Variants in DRD3 observed in about 807,000 individuals in gnomAD.
DRD3 encodes dopamine receptor D3.
In DRD3, 19 loss-of-function variants were observed where a neutral mutation model predicts 36.3. The observed-to-expected ratio is 0.52, with a 90% confidence interval of 0.36 to 0.77. DRD3 has a LOEUF of 0.77. Among genes scored for constraint, DRD3 ranks in the 30% least tolerant of loss-of-function variants. DRD3 has a pLI of 0.00. For synonymous variants in DRD3, 195 were observed against 203.7 expected, an observed-to-expected ratio of 0.96 and a Z score of 0.36; for missense variants, 465 against 505.3, an observed-to-expected ratio of 0.92 and a Z score of 0.77.
chr3:114,159,711 T>G (rs1019737055), intron 3 of DRD3, 44 bp downstream of exon 3: 2 of 1,560,646 alleles, frequency 1.3e-6, no homozygotes, highest in African/African-American at 2.7e-5. Flanking sequence ...CTCTCCCCAC[T>G]TCCCCAGCTT....
intron 1 of DRD3, among the ~76,000 whole-genome samples, chr3:114,184,817 G>A (rs896089655): frequency 6.6e-5 from 10 of 152,084 alleles, no homozygotes; most frequent in African/African-American, 2.4e-4. Context: ...GCCCACCCTG[G>A]CCTCCCAAAA....
intron 3 of DRD3, among the ~76,000 whole-genome samples, chr3:114,158,290 G>A (rs1204638743): frequency 6.6e-6 from 1 of 151,614 alleles, no homozygotes; most frequent in East Asian, 1.9e-4. Context: ...GCATAAGTCT[G>A]TAAACATACC....
chr3:114,197,341 G>A (rs1576098631), intron 1 of DRD3, among the ~76,000 whole-genome samples: 1 of 110,534 alleles, frequency 9.0e-6, no homozygotes, highest in Non-Finnish European at 1.7e-5. Context: ...GGCTGGTCTT[G>A]AACTCCTGGC....
intron 2 of DRD3, among the ~76,000 whole-genome samples, chr3:114,165,345 C>A (rs544872490): frequency 6.6e-6 from 1 of 151,948 alleles, no homozygotes; most frequent in Non-Finnish European, 1.5e-5. Context: ...GCAGGAGAAT[C>A]GCTTGAACCC....
Position 114,196,101 on chromosome 3 carries a change from C to T in DRD3, c.-156+3172G>A, listed in dbSNP as rs535044839. 7.2e-5 allele frequency among the ~76,000 whole-genome samples: 11 copies of T among 152,268 alleles called. No individual in the cohort carries two copies. In the South Asian group the frequency reaches 1.5e-3, roughly 20 times the overall value. On this transcript the variant is annotated intron_variant, in intron 1 of 7. Transcript: ENST00000460779. ...CCATGTTGGCAGAGGGATTGCTATC[C>T]GTAACATAGGAACTGTTTTTGTTGT... is the stretch of plus-strand genomic sequence containing the variant.
chr3:114,132,106 T>G (rs1288760286), intron 5 of DRD3, among the ~76,000 whole-genome samples: 1 of 152,178 alleles, frequency 6.6e-6, no homozygotes, highest in African/African-American at 2.4e-5. Context: ...CACATACACA[T>G]GTATGTTTAC....
intron 5 of DRD3, among the ~76,000 whole-genome samples, chr3:114,138,852 T>C (rs570951869): frequency 1.3e-5 from 2 of 152,292 alleles, no homozygotes; most frequent in East Asian, 3.9e-4. Flanking sequence ...CCTTCCCTAG[T>C]AGATTTCAAG....
At chr3:114,150,860 CTTG>C (rs1005740155) in intron 3 of DRD3, among the ~76,000 whole-genome samples, 3 of 152,168 alleles carry the variant, frequency 2.0e-5, no homozygotes, top group African/African-American at 4.8e-5. Flanking sequence ...TCTTGTGCAT[CTTG>C]TTGTAGAGTA....
intron 3 of DRD3, 125 bp downstream of exon 3, chr3:114,159,630 G>A: frequency 1.4e-6 from 1 of 714,288 alleles, no homozygotes; most frequent in South Asian, 1.8e-5. Context: ...AAGAAAAAGA[G>A]AGGAAAGAAA....
intron 3 of DRD3, among the ~76,000 whole-genome samples, chr3:114,148,239 G>A (rs1022882768): frequency 1.3e-5 from 2 of 152,144 alleles, no homozygotes; most frequent in African/African-American, 4.8e-5. Flanking sequence ...AACACTCTGG[G>A]TGCTGGTCTG....
rs1432393031 is a variant in DRD3 at position 114,172,078 on chromosome 3, G to A, written c.-35-51C>T. 9.2e-6 allele frequency: 12 copies of A among 1,301,790 alleles called. 1 individual carries two copies. In the South Asian group the frequency reaches 1.9e-4, roughly 20 times the overall value. 80.6% of individuals were successfully genotyped at this position (1,301,790 alleles called of 1,614,324 possible). A position where few individuals can be genotyped will look rare whatever the true frequency, so the allele number is the denominator to read the frequency against. On this transcript the variant is annotated intron_variant, in intron 1 of 6. Coordinates refer to ENST00000383673, the MANE Select transcript of DRD3 (RefSeq NM_000796.6). ...AATAAAATCAGACTCTTTGGGGCTT[G>A]GTTGCTTAGTTACATTTTTTTATTT...
intron 1 of DRD3, among the ~76,000 whole-genome samples, chr3:114,195,283 T>G (rs1189216020): frequency 6.6e-6 from 1 of 152,174 alleles, no homozygotes; most frequent in East Asian, 1.9e-4. Flanking sequence ...TTTCAACAAC[T>G]GGGAGATACT....
rs1223351932 is a variant in DRD3 at position 114,171,825 on chromosome 3, C to T, written c.168G>A (p.Lys56=). ...TGGTGGTAGTCTGCAGGGCCCGCTC[C>T]TTCAGCACAGCCATGCACACCAGGC... ...GNGLVCMAVL[K]ERALQTTTNY... is the part of the protein sequence containing the mutation. Residue 56 remains lysine (K), a synonymous_variant, in exon 2 of 7, where the codon AAG becomes AAA. Transcript: ENST00000383673. The T allele has an allele frequency of 1.9e-6, 3 of 1,614,138 alleles. No homozygotes were observed.
At chr3:114,186,261 G>A (rs2077975248) in intron 1 of DRD3, among the ~76,000 whole-genome samples, 3 of 152,200 alleles carry the variant, frequency 2.0e-5, no homozygotes, top group South Asian at 4.1e-4. Context: ...AATCTCAGCT[G>A]GGATTACAGG....
intron 2 of DRD3, among the ~76,000 whole-genome samples, chr3:114,168,856 C>T (rs1559996730): frequency 6.6e-6 from 1 of 152,212 alleles, no homozygotes; most frequent in Admixed American, 6.5e-5. Context: ...ATACTGGTGT[C>T]TGGCAAAATG....
chr3:114,185,282 G>C (rs894458866), intron 1 of DRD3, among the ~76,000 whole-genome samples: 2 of 152,086 alleles, frequency 1.3e-5, no homozygotes, highest in Admixed American at 6.5e-5. Context: ...TTTAGGCTCT[G>C]TTCACTTTTC....
At chr3:114,158,311 T>C (rs577878566) in intron 3 of DRD3, among the ~76,000 whole-genome samples, 9 of 152,262 alleles carry the variant, frequency 5.9e-5, no homozygotes, top group African/African-American at 2.2e-4. Context: ...AATATAACAT[T>C]GAATTACACA....
rs531747305 is a variant in DRD3, at chr3:114,193,436, T to C, written c.-156+5837A>G. On this transcript the variant is annotated intron_variant, in intron 1 of 7. Transcript: ENST00000460779. The stretch of plus-strand genomic sequence containing the variant: ...AAGCCAACAGTTGAATGCTTATCCA[T>C]GGGGTCAGAGACAGCGTCTGACCTG... 1.7e-4 allele frequency among the ~76,000 whole-genome samples: 26 copies of C among 152,350 alleles called. No individual in the cohort carries two copies. The South Asian group carries it at 4.6e-3, about 27-fold the overall frequency.
intron 2 of DRD3, among the ~76,000 whole-genome samples, chr3:114,164,705 G>A (rs1055885289): frequency 3.3e-5 from 5 of 152,120 alleles, no homozygotes; most frequent in Non-Finnish European, 7.4e-5. Flanking sequence ...TGTGGATTTC[G>A]TTAGCTTCAT....
Sources: gnomAD v4.1 joint callset for allele counts (sites outside exome capture counted in the v4.1 genomes callset) on GRCh38, gnomAD v4.1.1 for gene constraint, MANE v1.5 for transcripts, NCBI Gene and HGNC (gene_info 2026-07-23, HGNC 2026-07-21) for gene names.